Variants in ARHGAP27 observed in about 807,000 individuals in gnomAD.
ARHGAP27 encodes Rho GTPase activating protein 27, also known as rho GTPase-activating protein 27.
In ARHGAP27, 53 loss-of-function variants were observed where a neutral mutation model predicts 102.0. The ratio of observed to expected loss-of-function variants is 0.52; its 90% CI spans 0.42 to 0.65. The LOEUF (loss-of-function observed/expected upper bound fraction) is 0.65, where lower values mean the gene tolerates loss of function less well. Among genes scored for constraint, ARHGAP27 ranks in the 30% least tolerant of loss-of-function variants. The pLI is 0.00. For missense variants in ARHGAP27, 1,117 were observed against 1,256.2 expected, an observed-to-expected ratio of 0.89 and a Z score of 1.68; for synonymous variants, 525 against 542.8, an observed-to-expected ratio of 0.97 and a Z score of 0.46.
At chr17:45,419,644 G>C (rs773349576) in intron 4 of ARHGAP27, among the ~76,000 whole-genome samples, 11 of 150,718 alleles carry the variant, frequency 7.3e-5, no homozygotes, top group African/African-American at 2.2e-4. Context: ...AAGAAAACTT[G>C]TGTGGCAAAA....
chr17:45,398,123 G>T, intron 12 of ARHGAP27, 76 bp from the exon 13 acceptor site: 1 of 1,276,614 alleles, frequency 7.8e-7, no homozygotes, highest in South Asian at 1.5e-5. Context: ...TTGGGGGTAG[G>T]TACAGAGATA....
At chr17:45,398,772 T>C (rs1267074721) in intron 12 of ARHGAP27, among the ~76,000 whole-genome samples, 1 of 151,314 alleles carries the variant, frequency 6.6e-6, no homozygotes, top group Admixed American at 6.6e-5. Flanking sequence ...AAACTTCCTA[T>C]GTTGAGACCC....
chr17:45,394,355 C>T lies in ARHGAP27; in HGVS notation c.*1101G>A, dbSNP rs1310259038. 1 of 152,450 alleles carries T rather than the reference C, an allele frequency of 6.6e-6. No individual in the cohort carries two copies. The highest frequency in any genetic ancestry group is 2.4e-5 in the African/African-American group (1 of 41,428). 9.4% of individuals were successfully genotyped at this position (152,450 alleles called of 1,614,324 possible). A position where few individuals can be genotyped will look rare whatever the true frequency, so the allele number is the denominator to read the frequency against. On this transcript the variant is annotated 3_prime_UTR_variant, in exon 20 of 20. Transcript: ENST00000685559. ...GCTTCCTTTCTTGAGGTTGTGTCCT[C>T]CTTCCCCACACCCTGCAGGCCTGCC...
At chr17:45,408,266 G>A (rs2047469419) in intron 4 of ARHGAP27, 1 of 152,214 alleles carries the variant, frequency 6.6e-6, no homozygotes, top group Non-Finnish European at 1.5e-5. Context: ...TTGAGGCACG[G>A]GGAATACAGC....
At chr17:45,395,929 G>A in intron 18 of ARHGAP27, 54 bp downstream of exon 18, 3 of 1,568,572 alleles carry the variant, frequency 1.9e-6, no homozygotes, top group Non-Finnish European at 1.7e-6. Context: ...GCCTGCTAAA[G>A]GGGTGCCCCG....
intron 13 of ARHGAP27, 120 bp from the exon 14 acceptor site, chr17:45,397,144 G>A (rs1357344975): frequency 1.3e-6 from 2 of 1,486,212 alleles, no homozygotes; most frequent in Non-Finnish European, 1.8e-6. Context: ...TCAGCGAAGA[G>A]TCCTCTCTTC....
At position 45,429,377 on chromosome 17, in the gene ARHGAP27, A is replaced by G. The variant is rs1316516244; in HGVS notation, c.657+246T>C. 9.0e-6 allele frequency: 12 copies of G among 1,339,174 alleles called. No homozygotes were observed. In the East Asian group the frequency reaches 2.8e-4, roughly 31 times the overall value. 83.0% of individuals were successfully genotyped at this position (1,339,174 alleles called of 1,614,324 possible). A position where few individuals can be genotyped will look rare whatever the true frequency, so the allele number is the denominator to read the frequency against. On this transcript the variant is annotated intron_variant, in intron 4 of 19. Transcript: ENST00000685559. ...TCAGTTCAAGCGCAATTTTGCCACC[A>G]ATTGGATTACGAAAAGCCTCTGGGC...
chr17:45,426,249 C>T (rs1159787918), intron 4 of ARHGAP27, among the ~76,000 whole-genome samples: 2 of 152,076 alleles, frequency 1.3e-5, no homozygotes, highest in Non-Finnish European at 2.9e-5. Flanking sequence ...TCTGTTTGTA[C>T]TCAGGGCAAA....
rs775341288 is a variant in ARHGAP27 at position 45,404,662 on chromosome 17, G to C, written c.1268C>G (p.Pro423Arg). 4.2e-5 allele frequency: 68 copies of C among 1,612,668 alleles called. No individual in the cohort carries two copies. Among genetic ancestry groups the C allele is most frequent in the Non-Finnish European group, 5.7e-5 (67 of 1,179,620 alleles). ...TQEQWVRLED[P>R]HGKPYFYNPE... is the part of the protein sequence containing the mutation. The stretch of plus-strand genomic sequence containing the variant: ...ATTGTAGAAGTATGGCTTCCCGTGG[G>C]GGTCCTCCAGCCTCACCCACTGTGG... The change falls in exon 7 of 20, where the codon CCC (proline) becomes CGC (arginine). Residue 423 changes from proline to arginine, a missense_variant. By Grantham distance (103) the Pro-to-Arg change is moderately radical (BLOSUM62 -2). Coordinates refer to ENST00000685559, the MANE Select transcript of ARHGAP27 (RefSeq NM_001282290.2).
Position 45,404,821 on chromosome 17 carries a change from C to G in ARHGAP27, c.1248+103G>C, listed in dbSNP as rs1169722203. 10 of 1,558,252 alleles carry G rather than the reference C, an allele frequency of 6.4e-6. No individual in the cohort carries two copies. The East Asian group carries it at 6.9e-5, about 11-fold the overall frequency. On this transcript the variant is annotated intron_variant, in intron 6 of 19. Coordinates refer to ENST00000685559, the MANE Select transcript of ARHGAP27 (RefSeq NM_001282290.2). ...TGACTGTGTTTGGCTGGTTTAGGCT[C>G]TGTGTGGGAGCTGCGGTTTAGAGCA...
intron 4 of ARHGAP27, among the ~76,000 whole-genome samples, chr17:45,428,665 CAG>C (rs2145071508): frequency 6.6e-6 from 1 of 152,294 alleles, no homozygotes; most frequent in Non-Finnish European, 1.5e-5. Context: ...CGAAAGAAAT[CAG>C]AGGCTCCCGA....
At chr17:45,425,703 G>C in intron 4 of ARHGAP27, 1 of 954,910 alleles carries the variant, frequency 1.0e-6, no homozygotes. Context: ...AGCGGCCAAT[G>C]CCCCAGCAGC....
At chr17:45,405,631 G>T in intron 5 of ARHGAP27, 45 bp downstream of exon 5, 1 of 1,531,116 alleles carries the variant, frequency 6.5e-7, no homozygotes, top group South Asian at 1.3e-5. Flanking sequence ...GGCGGGATCA[G>T]AGGCGCTCAG....
At chr17:45,419,516 A>ATATGTG (rs1567727447) in intron 4 of ARHGAP27, among the ~76,000 whole-genome samples, 1 of 6,210 alleles carries the variant, frequency 1.6e-4, no homozygotes, top group African/African-American at 2.5e-4. Flanking sequence ...CTGTATGTAT[A>ATATGTG]TATATATATA....
At position 45,427,355 on chromosome 17, in the gene ARHGAP27, C is replaced by G. The variant is rs571242961; in HGVS notation, c.657+2268G>C. Among the ~76,000 whole-genome samples, 12 of 152,272 alleles carry G rather than the reference C, an allele frequency of 7.9e-5. No individual in the cohort carries two copies. Among genetic ancestry groups the G allele is most frequent in the Non-Finnish European group, 1.3e-4 (9 of 68,056 alleles). On this transcript the variant is annotated intron_variant, in intron 4 of 19. Transcript: ENST00000685559. The surrounding 1 kb of genome is among the most constrained non-coding windows in gnomAD (Gnocchi z 4.5). ...TCAACCCTATGCTCCACTCTGAGCC[C>G]CGGCCCCATGTCTTCTCTTGCTGGC...
Position 45,406,038 on chromosome 17 carries a change from G to T in ARHGAP27, c.703C>A (p.Pro235Thr), listed in dbSNP as rs2047125125. ...EPVYANIERQ[P>T]RATSPGAAAA... is the part of the protein sequence containing the mutation. ...GCGGCGCCCGGTGAAGTGGCCCGGGGCTGCCTCTCTATGTTCGCGTACACG... is the reference window on the plus strand; with the variant it reads ...GCGGCGCCCGGTGAAGTGGCCCGGGTCTGCCTCTCTATGTTCGCGTACACG... The change falls in exon 5 of 20, where the codon CCC (proline) becomes ACC (threonine). Residue 235 changes from proline to threonine, a missense_variant. Transcript: ENST00000685559. The T allele has an allele frequency of 2.0e-6, 3 of 1,533,874 alleles. No individual in the cohort carries two copies. The East Asian group carries it at 7.3e-5, about 38-fold the overall frequency.
At chr17:45,426,096 G>C (rs1427515008) in intron 4 of ARHGAP27, among the ~76,000 whole-genome samples, 1 of 152,108 alleles carries the variant, frequency 6.6e-6, no homozygotes, top group Non-Finnish European at 1.5e-5. Flanking sequence ...AGGGGAACAG[G>C]GTGGCCAACC....
chr17:45,413,637 G>A (rs34063617), intron 4 of ARHGAP27, among the ~76,000 whole-genome samples: 21,159 of 152,118 alleles, frequency 0.14, 1,762 homozygotes, highest in Middle Eastern at 0.23. Flanking sequence ...GGGTGCCCTC[G>A]GCTCTGGACT....
At chr17:45,411,217 G>A (rs903388872) in intron 4 of ARHGAP27, among the ~76,000 whole-genome samples, 1 of 152,010 alleles carries the variant, frequency 6.6e-6, no homozygotes, top group African/African-American at 2.4e-5. Context: ...GCCACGCACA[G>A]TGGACACATG....
Sources: allele counts gnomAD v4.1 joint callset (sites outside exome capture counted in the v4.1 genomes callset), GRCh38; gene constraint gnomAD v4.1.1; non-coding constraint Gnocchi (gnomAD v3.1); transcripts MANE v1.5; gene names NCBI Gene and HGNC (gene_info 2026-07-23, HGNC 2026-07-21).